PRKCE: variants seen among roughly 807,000 people sequenced by gnomAD.
The protein encoded by PRKCE is protein kinase C epsilon.
Under a neutral mutation model 85.4 loss-of-function variants are expected in PRKCE, and 16 were observed. The ratio of observed to expected loss-of-function variants is 0.19; its 90% confidence interval spans 0.13 to 0.28. The LOEUF (loss-of-function observed/expected upper bound fraction) is 0.28, where lower values mean the gene tolerates loss of function less well. PRKCE is among the 10% of genes least tolerant of loss of function. The pLI is 1.00. For synonymous variants in PRKCE, 388 were observed against 371.5 expected (o/e 1.04, Z -0.51); for missense variants, 573 against 975.2 (o/e 0.59, Z 5.49).
intron 2 of PRKCE, among the ~76,000 whole-genome samples, chr2:45,856,711 C>A (rs1195928624): frequency 6.6e-6 from 1 of 152,196 alleles, no homozygotes; most frequent in Non-Finnish European, 1.5e-5. Context: ...CCCCTGACTT[C>A]TATTTTCCCC....
At position 46,151,235 on chromosome 2, in the gene PRKCE, T is replaced by G; in HGVS notation, c.1920+6T>G. ...CTGTCAGCATCTTGAAAGCTGTGAG[T>G]CACTGCCCCTCACCCATGGCTGTGC... is the stretch of plus-strand genomic sequence containing the variant. On this transcript the variant is annotated splice_donor_region_variant and intron_variant, in intron 13 of 14. Coordinates refer to ENST00000306156, the MANE Select transcript of PRKCE (RefSeq NM_005400.3). 1 of 1,592,522 alleles carries G rather than the reference T, an allele frequency of 6.3e-7. No homozygotes were observed. The highest frequency in any genetic ancestry group is 8.5e-7 in the Non-Finnish European group (1 of 1,175,804).
intron 1 of PRKCE, among the ~76,000 whole-genome samples, chr2:45,798,992 C>A (rs1687650956): frequency 6.6e-6 from 1 of 151,766 alleles, no homozygotes; most frequent in African/African-American, 2.4e-5. Flanking sequence ...ATGGTGAAAC[C>A]CCGTCTCTAC....
chr2:46,037,234 T>G (rs1161371208), intron 10 of PRKCE, among the ~76,000 whole-genome samples: 1 of 152,216 alleles, frequency 6.6e-6, no homozygotes, highest in Non-Finnish European at 1.5e-5. Context: ...TCCCACAGAC[T>G]GGGGTGGACA....
At chr2:46,083,340 T>G (rs1345845248) in intron 10 of PRKCE, among the ~76,000 whole-genome samples, 2 of 152,156 alleles carry the variant, frequency 1.3e-5, no homozygotes, top group African/African-American at 4.8e-5. Context: ...ATAAAACCGA[T>G]ATGGGAAGGC....
At chr2:46,161,859 G>C (rs1037710015) in intron 14 of PRKCE, among the ~76,000 whole-genome samples, 2 of 152,128 alleles carry the variant, frequency 1.3e-5, no homozygotes, top group Non-Finnish European at 2.9e-5. Flanking sequence ...CCAACTTTTA[G>C]TTTGAGACTT....
At chr2:45,831,614 G>A (rs1690430426) in intron 1 of PRKCE, among the ~76,000 whole-genome samples, 1 of 152,200 alleles carries the variant, frequency 6.6e-6, no homozygotes, top group African/African-American at 2.4e-5. Context: ...GAGGAGGGAA[G>A]TGGTAAGTAA....
chr2:46,170,187 C>G (rs1422064152), intron 14 of PRKCE, among the ~76,000 whole-genome samples: 3 of 152,218 alleles, frequency 2.0e-5, no homozygotes, highest in Non-Finnish European at 4.4e-5. Context: ...CCTCCATCCT[C>G]CCAAGAAGTT....
intron 1 of PRKCE, among the ~76,000 whole-genome samples, chr2:45,788,717 C>T (rs1263450685): frequency 2.0e-5 from 3 of 152,234 alleles, no homozygotes; most frequent in Non-Finnish European, 4.4e-5. Flanking sequence ...GACATTATAA[C>T]ATCAAATCTA....
At chr2:45,858,548 G>A (rs968325914) in intron 2 of PRKCE, among the ~76,000 whole-genome samples, 2 of 152,090 alleles carry the variant, frequency 1.3e-5, no homozygotes, top group African/African-American at 4.8e-5. Flanking sequence ...TTTAAAATAA[G>A]TGTATGGCCA....
At chr2:45,972,259 G>A in intron 2 of PRKCE, among the ~76,000 whole-genome samples, 1 of 152,120 alleles carries the variant, frequency 6.6e-6, no homozygotes, top group East Asian at 1.9e-4. Context: ...TTGGCCATTT[G>A]TATGTCTTTA....
intron 9 of PRKCE, among the ~76,000 whole-genome samples, chr2:46,008,340 C>T (rs1231064381): frequency 6.6e-6 from 1 of 152,146 alleles, no homozygotes; most frequent in Admixed American, 6.5e-5. Flanking sequence ...GATCAGCCAC[C>T]ATTCCGATGG....
intron 1 of PRKCE, among the ~76,000 whole-genome samples, chr2:45,816,749 C>T (rs1389684309): frequency 1.3e-5 from 2 of 151,838 alleles, no homozygotes; most frequent in Non-Finnish European, 2.9e-5. Flanking sequence ...GATCAGATGG[C>T]CCCTTCCCAG....
intron 2 of PRKCE, among the ~76,000 whole-genome samples, chr2:45,966,535 AT>A (rs1701740872): frequency 6.6e-6 from 1 of 152,140 alleles, no homozygotes; most frequent in African/African-American, 2.4e-5. Flanking sequence ...GGATAGTTGA[AT>A]TGTTTTCTTT....
At chr2:46,163,533 G>GGT in intron 14 of PRKCE, among the ~76,000 whole-genome samples, 1 of 112,350 alleles carries the variant, frequency 8.9e-6, no homozygotes, top group African/African-American at 3.6e-5. Context: ...GGGAAGCTGA[G>GGT]GCACTCCCCA....
At chr2:45,783,168 T>A (rs1399768948) in intron 1 of PRKCE, among the ~76,000 whole-genome samples, 1 of 152,212 alleles carries the variant, frequency 6.6e-6, no homozygotes, top group Non-Finnish European at 1.5e-5. Flanking sequence ...TATTTTCAAT[T>A]GAAGCTCTAA....
At chr2:46,172,363 C>T (rs1047644739) in intron 14 of PRKCE, among the ~76,000 whole-genome samples, 1 of 152,226 alleles carries the variant, frequency 6.6e-6, no homozygotes, top group Non-Finnish European at 1.5e-5. Flanking sequence ...ACAATGTGGA[C>T]TCATCCATAA....
intron 1 of PRKCE, among the ~76,000 whole-genome samples, chr2:45,686,575 A>T (rs1677316689): frequency 6.6e-6 from 1 of 152,208 alleles, no homozygotes; most frequent in Admixed American, 6.5e-5. Context: ...AAATAACCGT[A>T]GAGAAAAACA....
chr2:46,087,250 G>C (rs1311490478), intron 11 of PRKCE, among the ~76,000 whole-genome samples: 1 of 151,938 alleles, frequency 6.6e-6, no homozygotes, highest in Non-Finnish European at 1.5e-5. Context: ...TGGTCTAGTG[G>C]AAGAAGCCTA....
chr2:46,045,878 T>C (rs1391913761), intron 10 of PRKCE, among the ~76,000 whole-genome samples: 1 of 146,620 alleles, frequency 6.8e-6, no homozygotes, highest in Non-Finnish European at 1.5e-5. Flanking sequence ...CTGTCTCAAA[T>C]AAAAAAAAAA....
Sources: allele counts gnomAD v4.1 joint callset (sites outside exome capture counted in the v4.1 genomes callset), GRCh38; gene constraint gnomAD v4.1.1; transcripts MANE v1.5; gene names NCBI Gene and HGNC (gene_info 2026-07-23, HGNC 2026-07-21).